Variants in TSFM observed in about 807,000 individuals in gnomAD.
The protein encoded by TSFM is Ts translation elongation factor, mitochondrial.
A neutral mutation model predicts 33.4 loss-of-function variants in TSFM; 29 were observed. The observed-to-expected ratio is 0.87, with a 90% CI of 0.65 to 1.18. The LOEUF (loss-of-function observed/expected upper bound fraction) is 1.18. TSFM is among the 50% of genes most tolerant of loss of function. TSFM has a pLI of 0.00. For missense variants in TSFM, 394 were observed against 395.6 expected, an observed-to-expected ratio of 1.00 and a Z score of 0.04; for synonymous variants, 178 against 163.5, an observed-to-expected ratio of 1.09 and a Z score of -0.68.
At chr12:57,790,242 G>A (rs1955645310) in intron 4 of TSFM, among the ~76,000 whole-genome samples, 1 of 151,780 alleles carries the variant, frequency 6.6e-6, no homozygotes, top group Non-Finnish European at 1.5e-5. Context: ...GCTAATTTTT[G>A]TATTTTCAGT....
chr12:57,798,245 G>C (rs991774277), downstream of TSFM, among the ~76,000 whole-genome samples: 4 of 152,210 alleles, frequency 2.6e-5, no homozygotes, highest in Non-Finnish European at 4.4e-5. Context: ...GCAAGCGCCA[G>C]TTTCTTGCCA....
At chr12:57,795,055 A>G (rs1955713022) in intron 5 of TSFM, among the ~76,000 whole-genome samples, 2 of 141,696 alleles carry the variant, frequency 1.4e-5, no homozygotes, top group African/African-American at 2.6e-5. Flanking sequence ...CACCGCACCC[A>G]GCCCTAGTTA....
chr12:57,784,183 T>A (rs1955557695), intron 2 of TSFM: 6 of 698,744 alleles, frequency 8.6e-6, no homozygotes, highest in Non-Finnish European at 1.6e-5. Context: ...AAGTATTGTG[T>A]ATCTAAACAT....
intron 2 of TSFM, among the ~76,000 whole-genome samples, chr12:57,784,855 G>C (rs1955568199): frequency 6.6e-6 from 1 of 150,904 alleles, no homozygotes; most frequent in Non-Finnish European, 1.5e-5. Flanking sequence ...ACTCCAGCCT[G>C]GGCAATAAGA....
chr12:57,799,394 C>T (rs539883948), downstream of TSFM, among the ~76,000 whole-genome samples: 1 of 152,294 alleles, frequency 6.6e-6, no homozygotes, highest in Non-Finnish European at 1.5e-5. Context: ...TTGTATAGGC[C>T]TTCACATTCT....
intron 5 of TSFM, among the ~76,000 whole-genome samples, chr12:57,794,858 C>T (rs1188275994): frequency 1.3e-5 from 2 of 150,992 alleles, no homozygotes; most frequent in African/African-American, 4.9e-5. Flanking sequence ...CTCCCGGGCT[C>T]ACGCCATTCT....
chr12:57,790,060 C>CTTTTTT (rs35382401), intron 4 of TSFM, among the ~76,000 whole-genome samples: 94 of 105,368 alleles, frequency 8.9e-4, no homozygotes, highest in East Asian at 1.4e-3. Context: ...TTCTTTCTTT[C>CTTTTTT]TTTTTTTTTT....
chr12:57,786,212 C>T lies in TSFM; in HGVS notation c.281C>T (p.Ala94Val). The T allele has an allele frequency of 6.2e-7, 1 of 1,610,484 alleles. No individual in the cohort carries two copies. Among genetic ancestry groups the T allele is most frequent in the Non-Finnish European group, 8.5e-7 (1 of 1,178,156 alleles). The stretch of plus-strand genomic sequence containing the variant: ...GCCCAGAAGGAGGGCTGGAGCAAAG[C>T]TGCCAAGCTCCAAGGGAGGAAGACC... ...KEAQKEGWSK[A>V]AKLQGRKTKE... The change falls in exon 3 of 6, where the codon GCT becomes GTT. Residue 94 changes from alanine to valine, a missense_variant. Around this residue, in one of 3 missense-constraint regions of TSFM, gnomAD observed 208 missense variants for 180.4 expected, o/e 1.15. Transcript: ENST00000652027.
At chr12:57,792,863 A>C in intron 4 of TSFM, 123 bp from the exon 5 acceptor site, 1 of 893,638 alleles carries the variant, frequency 1.1e-6, no homozygotes, top group Admixed American at 2.6e-5. Context: ...AAGTGTTGGG[A>C]TTACAGGCGT....
At chr12:57,793,564 C>T (rs1955693312) in intron 5 of TSFM, among the ~76,000 whole-genome samples, 1 of 152,178 alleles carries the variant, frequency 6.6e-6, no homozygotes. Flanking sequence ...TGGAGGAAGT[C>T]CCATTGCCAA....
chr12:57,783,681 C>T (rs1418759734), intron 2 of TSFM: 1 of 587,694 alleles, frequency 1.7e-6, no homozygotes. Context: ...GCAACCTCCG[C>T]CTCCCGGGTT....
chr12:57,796,090 A>T (rs1955734083), intron 5 of TSFM, 87 bp from the exon 6 acceptor site: 1 of 1,239,042 alleles, frequency 8.1e-7, no homozygotes. Context: ...ACTGTCTTCC[A>T]AACTGGGCCT....
Position 57,789,128 on chromosome 12 carries a change from A to AT in TSFM, c.483+1974dup, listed in dbSNP as rs563203567. Among the ~76,000 whole-genome samples the AT allele has an allele frequency of 7.4e-4, 112 of 151,140 alleles. 1 individual carries two copies. The highest frequency in any genetic ancestry group is 2.6e-3 in the African/African-American group (108 of 41,124). On this transcript the variant is annotated intron_variant, in intron 4 of 5. Coordinates refer to ENST00000652027, the MANE Select transcript of TSFM (RefSeq NM_005726.6). The stretch of plus-strand genomic sequence containing the variant: ...AGGCACCTGCCATCATGCCCGGCTA[A>AT]TTTTTTTTGTATTTTTGTAGAGACG...
chr12:57,785,478 A>AT (rs1955578974), intron 2 of TSFM, among the ~76,000 whole-genome samples: 1 of 151,320 alleles, frequency 6.6e-6, no homozygotes, highest in African/African-American at 2.4e-5. Flanking sequence ...TTTATTTTTT[A>AT]TTTTTTTGAG....
In TSFM at chr12:57,797,044, T is replaced by C. The variant is rs886049733; in HGVS notation, c.*461T>C. On this transcript the variant is annotated 3_prime_UTR_variant, in exon 6 of 6. Coordinates refer to ENST00000652027, the MANE Select transcript of TSFM (RefSeq NM_005726.6). The stretch of plus-strand genomic sequence containing the variant: ...TTCAAACCTAGAGTTGTCTGGAAAA[T>C]GTGGGTTCTCTTCTTTGTGATTGTC... The C allele has an allele frequency of 4.1e-6, 4 of 985,444 alleles. No individual in the cohort carries two copies. The highest frequency in any genetic ancestry group is 3.5e-5 in the African/African-American group (2 of 57,232). 61.0% of individuals were successfully genotyped at this position (985,444 alleles called of 1,614,324 possible).
In TSFM at chr12:57,789,984, G is replaced by A. The variant is rs11172338; in HGVS notation, c.483+2822G>A. Among the ~76,000 whole-genome samples the A allele has an allele frequency of 8.7e-4, 132 of 151,618 alleles. No homozygotes were observed. In the East Asian group the frequency reaches 0.015, roughly 18 times the overall value. On this transcript the variant is annotated intron_variant, in intron 4 of 5. Transcript: ENST00000652027. ...GTGGAATGGGCCACTTCTTCAAGGAGTCCTGGTCCTTTTTAGTTGGGGAAT... is the reference window on the plus strand; with the variant it reads ...GTGGAATGGGCCACTTCTTCAAGGAATCCTGGTCCTTTTTAGTTGGGGAAT...
At chr12:57,797,715 G>T, downstream of TSFM, 1 of 723,970 alleles carries the variant, frequency 1.4e-6, no homozygotes, top group Non-Finnish European at 1.9e-6. Context: ...AACAAGCAAG[G>T]AATGCAAGGA....
intron 4 of TSFM, among the ~76,000 whole-genome samples, chr12:57,791,214 T>G (rs1049286067): frequency 2.0e-5 from 3 of 152,190 alleles, no homozygotes; most frequent in Non-Finnish European, 4.4e-5. Flanking sequence ...TTCACCATGT[T>G]GGCCAGGCTG....
At chr12:57,797,991 T>G, downstream of TSFM, 1 of 1,603,190 alleles carries the variant, frequency 6.2e-7, no homozygotes, top group Non-Finnish European at 8.5e-7. Flanking sequence ...TTCAGAGAGG[T>G]AATTCTAAGA....
Sources: gnomAD v4.1 joint callset for allele counts (sites outside exome capture counted in the v4.1 genomes callset) on GRCh38, gnomAD v4.1.1 for gene constraint, gnomAD v4.1.1 regional missense constraint, MANE v1.5 for transcripts, NCBI Gene and HGNC (gene_info 2026-07-23, HGNC 2026-07-21) for gene names.